Variants in DPP10 observed in about 807,000 individuals in gnomAD.
DPP10 encodes the protein inactive dipeptidyl peptidase 10.
A neutral mutation model predicts 120.9 loss-of-function variants in DPP10; 33 were observed. The ratio of observed to expected loss-of-function variants is 0.27; its 90% CI spans 0.21 to 0.37. The LOEUF is 0.37. Among genes scored for constraint, DPP10 ranks in the 10% least tolerant of loss-of-function variants. The pLI is 1.00. For synonymous variants in DPP10, 337 were observed against 326.1 expected (o/e 1.03, Z -0.36); for missense variants, 816 against 942.8 (o/e 0.87, Z 1.76).
intron 5 of DPP10, among the ~76,000 whole-genome samples, chr2:115,532,370 G>T (rs1458331211): frequency 6.6e-6 from 1 of 151,882 alleles, no homozygotes; most frequent in African/African-American, 2.4e-5. Context: ...AAAGTCCCTA[G>T]CTTTTCGATT....
chr2:115,177,356 C>G (rs2053761688), intron 1 of DPP10, among the ~76,000 whole-genome samples: 1 of 152,176 alleles, frequency 6.6e-6, no homozygotes. Context: ...TTTCAGTAAC[C>G]TAAGCATCTG....
In DPP10 at chr2:114,661,867, A is replaced by C. The variant is rs1001310126; in HGVS notation, c.60+219029A>C. 5.9e-5 allele frequency among the ~76,000 whole-genome samples: 9 copies of C among 152,238 alleles called. No homozygotes were observed. In the South Asian group the frequency reaches 1.0e-3, roughly 18 times the overall value. ...TCATGAAAACGTCTTCTCCTTAATAAAATAATAACACAGGAATGAAGATTT... is the reference window on the plus strand; with the variant it reads ...TCATGAAAACGTCTTCTCCTTAATACAATAATAACACAGGAATGAAGATTT... On this transcript the variant is annotated intron_variant, in intron 1 of 25. Coordinates refer to ENST00000410059, the MANE Select transcript of DPP10 (RefSeq NM_020868.6).
chr2:115,178,239 T>C (rs1225419256), intron 1 of DPP10, among the ~76,000 whole-genome samples: 1 of 152,108 alleles, frequency 6.6e-6, no homozygotes, highest in Non-Finnish European at 1.5e-5. Flanking sequence ...ACACATTGCC[T>C]GACAAAGAGT....
chr2:114,822,177 T>A (rs564557994), intron 1 of DPP10, among the ~76,000 whole-genome samples: 25 of 152,326 alleles, frequency 1.6e-4, no homozygotes, highest in Non-Finnish European at 1.9e-4. Flanking sequence ...GATGTTTTTT[T>A]ACATCCTCTG....
At chr2:114,635,373 A>G (rs1695231325) in intron 1 of DPP10, among the ~76,000 whole-genome samples, 1 of 151,916 alleles carries the variant, frequency 6.6e-6, no homozygotes, top group Non-Finnish European at 1.5e-5. Flanking sequence ...TGGACATAAA[A>G]TGGATGTGCT....
intron 1 of DPP10, among the ~76,000 whole-genome samples, chr2:114,985,344 G>C (rs892599940): frequency 3.3e-5 from 5 of 152,036 alleles, no homozygotes; most frequent in Admixed American, 3.3e-4. Context: ...TTAAAACAGG[G>C]CTCCTTATTT....
chr2:114,908,114 A>G (rs1359842714), intron 1 of DPP10, among the ~76,000 whole-genome samples: 1 of 151,998 alleles, frequency 6.6e-6, no homozygotes, highest in Non-Finnish European at 1.5e-5. Context: ...TCTGAAGTTA[A>G]TGTAGGCACT....
At chr2:115,467,158 T>A (rs952798216) in intron 3 of DPP10, among the ~76,000 whole-genome samples, 1 of 152,072 alleles carries the variant, frequency 6.6e-6, no homozygotes, top group African/African-American at 2.4e-5. Flanking sequence ...TGAACATAGA[T>A]GACAATAAAA....
chr2:114,779,597 C>G (rs1351955815), intron 1 of DPP10, among the ~76,000 whole-genome samples: 1 of 152,010 alleles, frequency 6.6e-6, no homozygotes, highest in East Asian at 1.9e-4. Flanking sequence ...TTTTCATATC[C>G]CAACATAACT....
intron 1 of DPP10, among the ~76,000 whole-genome samples, chr2:114,524,337 C>A (rs545186301): frequency 1.1e-4 from 17 of 152,270 alleles, no homozygotes; most frequent in African/African-American, 3.6e-4. Flanking sequence ...ATTAAAGCAA[C>A]CTCCCAGATA....
At chr2:114,960,366 G>GTATATATATA (rs149462158) in intron 1 of DPP10, among the ~76,000 whole-genome samples, 7,761 of 143,640 alleles carry the variant, frequency 0.054, 228 homozygotes, top group Middle Eastern at 0.097. Flanking sequence ...GTGTATGTGC[G>GTATATATATA]TATATATATA....
chr2:115,639,576 C>T (rs1484126124), intron 5 of DPP10, among the ~76,000 whole-genome samples: 1 of 151,792 alleles, frequency 6.6e-6, no homozygotes. Flanking sequence ...GCAAGATTTA[C>T]CTCTGAAATG....
intron 1 of DPP10, among the ~76,000 whole-genome samples, chr2:115,036,716 C>T (rs548156916): frequency 9.9e-5 from 15 of 152,130 alleles, no homozygotes; most frequent in African/African-American, 3.4e-4. Flanking sequence ...CTGTTTTTTT[C>T]AAAGTACTTT....
At chr2:115,803,474 A>T (rs570666846) in intron 19 of DPP10, among the ~76,000 whole-genome samples, 2 of 152,180 alleles carry the variant, frequency 1.3e-5, no homozygotes, top group East Asian at 3.9e-4. Flanking sequence ...TCCTGTCATT[A>T]TGATGTTAGC....
chr2:115,514,589 A>G (rs1444508928), intron 4 of DPP10, among the ~76,000 whole-genome samples: 1 of 151,800 alleles, frequency 6.6e-6, no homozygotes, highest in Non-Finnish European at 1.5e-5. Context: ...TATTTACACT[A>G]TCTGATATGA....
At chr2:114,652,168 G>C (rs891605148) in intron 1 of DPP10, among the ~76,000 whole-genome samples, 1 of 152,164 alleles carries the variant, frequency 6.6e-6, no homozygotes, top group African/African-American at 2.4e-5. Flanking sequence ...GTGCTGGGGG[G>C]TGGGTTCCCC....
chr2:114,533,594 TC>T (rs1204318624), intron 1 of DPP10, among the ~76,000 whole-genome samples: 2 of 151,808 alleles, frequency 1.3e-5, no homozygotes, highest in Non-Finnish European at 1.5e-5. Flanking sequence ...AACCTGCACA[TC>T]CTGCCCATGT....
intron 3 of DPP10, among the ~76,000 whole-genome samples, chr2:115,457,622 A>G (rs923712347): frequency 6.6e-6 from 1 of 152,110 alleles, no homozygotes; most frequent in Non-Finnish European, 1.5e-5. Context: ...CAAATTAAAA[A>G]CATAATGAAA....
intron 5 of DPP10, among the ~76,000 whole-genome samples, chr2:115,680,159 G>C (rs1385096474): frequency 6.6e-6 from 1 of 151,614 alleles, no homozygotes; most frequent in Non-Finnish European, 1.5e-5. Flanking sequence ...TTTTCTAAAT[G>C]ACAAGAATAT....
Sources: gnomAD v4.1 joint callset for allele counts (sites outside exome capture counted in the v4.1 genomes callset) on GRCh38, gnomAD v4.1.1 for gene constraint, MANE v1.5 for transcripts, NCBI Gene and HGNC (gene_info 2026-07-23, HGNC 2026-07-21) for gene names.